Variants in ATP13A4 observed in about 807,000 individuals in gnomAD.
ATP13A4 encodes the protein ATPase 13A4.
In ATP13A4, 114 loss-of-function variants were observed where a neutral mutation model predicts 142.5. The ratio of observed to expected loss-of-function variants is 0.80; its 90% CI spans 0.69 to 0.93. The LOEUF is 0.93. Ranked by LOEUF, ATP13A4 falls within the 40% of genes least tolerant of loss-of-function variation. ATP13A4 has a pLI of 0.00. For synonymous variants in ATP13A4, 488 were observed against 514.8 expected, an observed-to-expected ratio of 0.95 and a Z score of 0.70; for missense variants, 1,392 against 1,454.0, an observed-to-expected ratio of 0.96 and a Z score of 0.69.
chr3:193,571,523 A>C (rs2108741453), intron 2 of ATP13A4, among the ~76,000 whole-genome samples: 1 of 152,228 alleles, frequency 6.6e-6, no homozygotes, highest in South Asian at 2.1e-4. Flanking sequence ...AACCTACCAA[A>C]TATTGCTCAG....
At chr3:193,505,415 T>C (rs1720807475) in intron 2 of ATP13A4, among the ~76,000 whole-genome samples, 1 of 152,158 alleles carries the variant, frequency 6.6e-6, no homozygotes, top group African/African-American at 2.4e-5. Flanking sequence ...AGGTGTGTAT[T>C]AAAAACTGAC....
At chr3:193,415,620 TG>T (rs1715019181) in intron 25 of ATP13A4, among the ~76,000 whole-genome samples, 1 of 152,226 alleles carries the variant, frequency 6.6e-6, no homozygotes, top group Non-Finnish European at 1.5e-5. Context: ...TGTCCCAACC[TG>T]TCTGGGAACT....
At chr3:193,483,612 T>C (rs9862528) in intron 8 of ATP13A4, among the ~76,000 whole-genome samples, 71,793 of 151,164 alleles carry the variant, frequency 0.47, 17,183 homozygotes, top group African/African-American at 0.56. Context: ...CTACAGGCGC[T>C]CGCCACCACG....
At chr3:193,472,486 G>A (rs899234818) in intron 8 of ATP13A4, among the ~76,000 whole-genome samples, 1 of 152,234 alleles carries the variant, frequency 6.6e-6, no homozygotes, top group Non-Finnish European at 1.5e-5. Context: ...TCCTTTAAGT[G>A]AAAAGGTGAA....
chr3:193,550,926 C>G (rs1723525228), intron 1 of ATP13A4, among the ~76,000 whole-genome samples: 1 of 152,132 alleles, frequency 6.6e-6, no homozygotes, highest in African/African-American at 2.4e-5. Flanking sequence ...GGAAATGGTT[C>G]TAAATTCCTT....
intron 29 of ATP13A4, chr3:193,404,037 CG>C: frequency 2.0e-6 from 2 of 985,326 alleles, no homozygotes; most frequent in Non-Finnish European, 2.4e-6. Context: ...CTGCTGGCTG[CG>C]GGGCTGTTAA....
chr3:193,441,660 G>A (rs12497916), intron 19 of ATP13A4, 72 bp from the exon 20 acceptor site: 279,101 of 1,552,348 alleles, frequency 0.18, 26,288 homozygotes, highest in South Asian at 0.22. Context: ...GCATATCTGA[G>A]AGAAGTTAAT....
At chr3:193,529,462 G>T (rs1488943377) in intron 1 of ATP13A4, among the ~76,000 whole-genome samples, 1 of 151,416 alleles carries the variant, frequency 6.6e-6, no homozygotes, top group Non-Finnish European at 1.5e-5. Flanking sequence ...AAAAGAAAGG[G>T]GCAAAATATC....
At chr3:193,538,557 T>C (rs1297509278) in intron 1 of ATP13A4, among the ~76,000 whole-genome samples, 3 of 151,176 alleles carry the variant, frequency 2.0e-5, no homozygotes, top group Non-Finnish European at 2.9e-5. Context: ...TAAATATCTA[T>C]TGACTTCACT....
intron 23 of ATP13A4, among the ~76,000 whole-genome samples, chr3:193,436,829 G>A (rs944308959): frequency 7.1e-6 from 1 of 140,896 alleles, no homozygotes; most frequent in Non-Finnish European, 1.5e-5. Flanking sequence ...CCGGGGCCGG[G>A]CGCGGTGGCT....
chr3:193,538,794 T>C (rs775798515), intron 1 of ATP13A4, among the ~76,000 whole-genome samples: 26 of 152,078 alleles, frequency 1.7e-4, no homozygotes, highest in Non-Finnish European at 3.4e-4. Flanking sequence ...GTGTGGGCCA[T>C]ATTGTCTCTC....
chr3:193,445,525 G>A (rs1021937355), intron 18 of ATP13A4, among the ~76,000 whole-genome samples: 1 of 152,036 alleles, frequency 6.6e-6, no homozygotes, highest in Non-Finnish European at 1.5e-5. Context: ...GGGAGGCCAA[G>A]GTGGTAGGAT....
At chr3:193,431,511 C>A (rs1042705885) in intron 25 of ATP13A4, among the ~76,000 whole-genome samples, 2 of 151,872 alleles carry the variant, frequency 1.3e-5, no homozygotes, top group African/African-American at 2.4e-5. Context: ...AAGAACAAGA[C>A]TTGAAATACT....
At chr3:193,531,514 A>T (rs1284653004) in intron 1 of ATP13A4, among the ~76,000 whole-genome samples, 4 of 152,224 alleles carry the variant, frequency 2.6e-5, no homozygotes, top group African/African-American at 9.7e-5. Context: ...TGAGTTAGCT[A>T]AATTAAATAT....
intron 17 of ATP13A4, among the ~76,000 whole-genome samples, chr3:193,453,743 A>AT (rs34481097): frequency 0.078 from 11,871 of 152,030 alleles, 577 homozygotes; most frequent in Non-Finnish European, 0.11. Context: ...ACCAACTATA[A>AT]TTTTTTTTAA....
chr3:193,437,825 ATT>A (rs372139378), intron 23 of ATP13A4, among the ~76,000 whole-genome samples: 40,500 of 101,926 alleles, frequency 0.4, 6,612 homozygotes, highest in Non-Finnish European at 0.46. Context: ...GCCAATAAAG[ATT>A]TTTTTTTTTT....
chr3:193,461,828 G>A (rs1717962735), intron 13 of ATP13A4, among the ~76,000 whole-genome samples: 1 of 152,170 alleles, frequency 6.6e-6, no homozygotes, highest in African/African-American at 2.4e-5. Context: ...GGGCAGAGAC[G>A]CAAACTCAAA....
chr3:193,458,902 C>T (rs1717788956), intron 14 of ATP13A4, 179 bp downstream of exon 14: 6 of 767,824 alleles, frequency 7.8e-6, no homozygotes, highest in East Asian at 2.5e-5. Context: ...TATGTAGATG[C>T]TATTATTAGC....
intron 1 of ATP13A4, among the ~76,000 whole-genome samples, chr3:193,527,047 CT>C (rs1490044408): frequency 1.1e-4 from 17 of 152,318 alleles, no homozygotes; most frequent in African/African-American, 3.6e-4. Flanking sequence ...ATAGCAATAA[CT>C]CTTAAGACAT....
Sources: allele counts gnomAD v4.1 joint callset (sites outside exome capture counted in the v4.1 genomes callset), GRCh38; gene constraint gnomAD v4.1.1; transcripts MANE v1.5; gene names NCBI Gene and HGNC (gene_info 2026-07-23, HGNC 2026-07-21).